The following MOCOS variants were observed in gnomAD, a reference collection of about 807,000 sequenced individuals.
MOCOS encodes the protein molybdenum cofactor sulfurase.
MOCOS carries 86 observed loss-of-function variants against 83.6 expected under a neutral mutation model. The ratio of observed to expected loss-of-function variants is 1.03; its 90% confidence interval spans 0.86 to 1.23. The LOEUF (loss-of-function observed/expected upper bound fraction) is 1.23, where lower values mean the gene tolerates loss of function less well. Among genes scored for constraint, MOCOS ranks in the 50% most tolerant of loss-of-function variants. The pLI is 0.00. For missense variants in MOCOS, 1,120 were observed against 1,126.9 expected, an observed-to-expected ratio of 0.99 and a Z score of 0.09; for synonymous variants, 445 against 434.7, an observed-to-expected ratio of 1.02 and a Z score of -0.29.
Position 36,238,712 on chromosome 18 carries a change from C to A in MOCOS, c.1961-10210C>A, listed in dbSNP as rs1488071918. ...CTTGTTGACTTTCTGTCTCGTTGAT[C>A]TGTCTAATGTTTACAGTGGGGTGTT... is the stretch of plus-strand genomic sequence containing the variant. On this transcript the variant is annotated intron_variant, in intron 9 of 14. Coordinates refer to ENST00000261326, the MANE Select transcript of MOCOS (RefSeq NM_017947.4). 3.1e-3 allele frequency among the ~76,000 whole-genome samples: 336 copies of A among 108,138 alleles called. 17 individuals are homozygous for A. Among genetic ancestry groups the A allele is most frequent in the African/African-American group, 9.2e-3 (326 of 35,344 alleles). The allele number at this position is 108,138 out of a possible 152,430, so 70.9% of individuals were successfully genotyped here. A position where few individuals can be genotyped will look rare whatever the true frequency, so the allele number is the denominator to read the frequency against.
chr18:36,228,368 A>T (rs1831831735), intron 9 of MOCOS, among the ~76,000 whole-genome samples: 1 of 152,192 alleles, frequency 6.6e-6, no homozygotes, highest in African/African-American at 2.4e-5. Context: ...TATTATAAAA[A>T]CACATGCATG....
At chr18:36,229,243 G>T (rs9964802) in intron 9 of MOCOS, among the ~76,000 whole-genome samples, 64,987 of 151,854 alleles carry the variant, frequency 0.43, 14,480 homozygotes, top group South Asian at 0.58. Context: ...TATAAATCAG[G>T]TCTAGTAGTG....
At position 36,205,203 on chromosome 18, in the gene MOCOS, G is replaced by T; in HGVS notation, c.1145G>T (p.Ser382Ile). The T allele has an allele frequency of 1.2e-6, 2 of 1,613,944 alleles. No individual in the cohort carries two copies. Among genetic ancestry groups the T allele is most frequent in the Non-Finnish European group, 1.7e-6 (2 of 1,179,964 alleles). ...ATTTACAGCGATTCTGAGTTCAGCA[G>T]CCCTGAGGTTCAGGGCCCAATCATC... ...VRIYSDSEFS[S>I]PEVQGPIINF... Residue 382 changes from serine (S) to isoleucine (I), a missense_variant, in exon 6 of 15, where the codon AGC becomes ATC. By Grantham distance (142) the Ser-to-Ile change is moderately radical. Coordinates refer to ENST00000261326, the MANE Select transcript of MOCOS (RefSeq NM_017947.4).
At chr18:36,207,560 AT>A (rs570156045) in intron 6 of MOCOS, among the ~76,000 whole-genome samples, 3 of 135,160 alleles carry the variant, frequency 2.2e-5, no homozygotes, top group African/African-American at 8.1e-5. Flanking sequence ...GATGTCGAAC[AT>A]TTTTTTCATA....
At chr18:36,254,729 T>C (rs1198218850) in intron 11 of MOCOS, among the ~76,000 whole-genome samples, 1 of 152,060 alleles carries the variant, frequency 6.6e-6, no homozygotes, top group African/African-American at 2.4e-5. Flanking sequence ...CTTAGTGTTA[T>C]ATATTCTGTG....
intron 9 of MOCOS, among the ~76,000 whole-genome samples, chr18:36,228,700 T>C (rs1211732422): frequency 6.6e-6 from 1 of 151,872 alleles, no homozygotes; most frequent in Non-Finnish European, 1.5e-5. Context: ...GGTGGGAGGA[T>C]GGGGAGGATC....
intron 6 of MOCOS, among the ~76,000 whole-genome samples, chr18:36,208,240 C>T (rs2091441673): frequency 6.6e-6 from 1 of 152,104 alleles, no homozygotes; most frequent in African/African-American, 2.4e-5. Flanking sequence ...ATGCCTTCAG[C>T]TTTATTCTTT....
chr18:36,229,463 A>T (rs1264957407), intron 9 of MOCOS, among the ~76,000 whole-genome samples: 1 of 151,986 alleles, frequency 6.6e-6, no homozygotes, highest in Non-Finnish European at 1.5e-5. Flanking sequence ...ATCTGATTAT[A>T]TGTGTCTTGG....
chr18:36,193,217 A>G (rs2091373078), intron 1 of MOCOS, among the ~76,000 whole-genome samples: 1 of 146,872 alleles, frequency 6.8e-6, no homozygotes, highest in African/African-American at 2.5e-5. Flanking sequence ...AGGCTGAGGC[A>G]GGAGAATGGT....
chr18:36,232,462 C>T (rs996786872), intron 9 of MOCOS, among the ~76,000 whole-genome samples: 5 of 152,068 alleles, frequency 3.3e-5, no homozygotes, highest in Non-Finnish European at 7.4e-5. Context: ...TATTCATCAC[C>T]TCAAATATTT....
chr18:36,239,519 G>A (rs967941446), intron 9 of MOCOS, among the ~76,000 whole-genome samples: 3 of 151,106 alleles, frequency 2.0e-5, no homozygotes, highest in Non-Finnish European at 2.9e-5. Flanking sequence ...TAGTCTGATG[G>A]GCTTCCCTTT....
At chr18:36,213,883 C>T (rs1009916436) in intron 7 of MOCOS, among the ~76,000 whole-genome samples, 29 of 150,132 alleles carry the variant, frequency 1.9e-4, no homozygotes, top group Admixed American at 4.0e-4. Context: ...GAGCCGAGAT[C>T]GCACCATTGC....
intron 9 of MOCOS, among the ~76,000 whole-genome samples, chr18:36,241,347 G>A (rs183376003): frequency 2.1e-4 from 32 of 152,262 alleles, no homozygotes; most frequent in African/African-American, 4.8e-4. Flanking sequence ...GGAGAAATTG[G>A]CCAAAACAAA....
At chr18:36,228,821 C>T (rs1012594631) in intron 9 of MOCOS, among the ~76,000 whole-genome samples, 59 of 145,498 alleles carry the variant, frequency 4.1e-4, no homozygotes, top group Admixed American at 7.0e-4. Context: ...ACTTGTACCA[C>T]GGAACTTAAA....
At position 36,268,628 on chromosome 18, in the gene MOCOS, G is replaced by A; in HGVS notation, c.2610G>A (p.Glu870=). 1.2e-6 allele frequency: 2 copies of A among 1,614,106 alleles called. No individual in the cohort carries two copies. The highest frequency in any genetic ancestry group is 1.7e-6 in the Non-Finnish European group (2 of 1,180,038). The part of the protein sequence containing the change: ...VGSQVLPVLK[E]NVEGHDLPAS... ...CTCAGGTGCTCCCTGTGTTGAAAGAGAATGTGGAAGGTCATGATTTACCTG... is the reference window on the plus strand; with the variant it reads ...CTCAGGTGCTCCCTGTGTTGAAAGAAAATGTGGAAGGTCATGATTTACCTG... Residue 870 remains glutamate (E), a synonymous_variant, in exon 15 of 15, where the codon GAG becomes GAA. Transcript: ENST00000261326.
intron 12 of MOCOS, among the ~76,000 whole-genome samples, chr18:36,259,134 A>ATTACAAAAATAAGAG (rs909363898): frequency 3.3e-5 from 5 of 152,102 alleles, no homozygotes; most frequent in Admixed American, 6.6e-5. Context: ...ATAAATAAAA[A>ATTACAAAAATAAGAG]TTACAAAAAT....
At chr18:36,227,968 A>G (rs2091524104) in intron 9 of MOCOS, among the ~76,000 whole-genome samples, 1 of 152,250 alleles carries the variant, frequency 6.6e-6, no homozygotes, top group Admixed American at 6.5e-5. Flanking sequence ...CAGCATCTAT[A>G]AGGAACTTAA....
rs770912506 is a variant in MOCOS at position 36,199,688 on chromosome 18, T to A, written c.305T>A (p.Leu102Gln). The change falls in exon 4 of 15, where the codon CTG becomes CAG. Residue 102 changes from leucine to glutamine, a missense_variant. Leu to Gln is a moderately radical substitution (Grantham distance 113). Coordinates refer to ENST00000261326, the MANE Select transcript of MOCOS (RefSeq NM_017947.4). Reference sequence around the variant, plus strand: ...GGATGCTGTGCTTCTTCCAGAATCCTGGCGCACTTCCACACCACCGCAGAA... The same window carrying A: ...GGATGCTGTGCTTCTTCCAGAATCCAGGCGCACTTCCACACCACCGCAGAA... The part of the protein sequence containing the change: ...DTVEQVRYRI[L>Q]AHFHTTAEDY... 44 of 1,613,674 alleles carry A rather than the reference T, an allele frequency of 2.7e-5. No individual in the cohort carries two copies. Among genetic ancestry groups the A allele is most frequent in the Non-Finnish European group, 3.4e-5 (40 of 1,180,046 alleles).
intron 1 of MOCOS, among the ~76,000 whole-genome samples, chr18:36,193,082 C>T (rs1568047211): frequency 6.6e-6 from 1 of 151,048 alleles, no homozygotes; most frequent in Admixed American, 6.6e-5. Context: ...GAGGCTGAGG[C>T]GGGTGGATCA....
Sources: allele counts gnomAD v4.1 joint callset (sites outside exome capture counted in the v4.1 genomes callset), GRCh38; gene constraint gnomAD v4.1.1; transcripts MANE v1.5; gene names NCBI Gene and HGNC (gene_info 2026-07-23, HGNC 2026-07-21).